Variants in BRCA1 observed in about 807,000 individuals in gnomAD.
BRCA1 encodes breast cancer type 1 susceptibility protein.
BRCA1 carries 140 observed loss-of-function variants against 173.7 expected under a neutral mutation model. The ratio of observed to expected loss-of-function variants is 0.81; its 90% confidence interval spans 0.70 to 0.93. BRCA1 has a LOEUF of 0.93. BRCA1 is among the 40% of genes least tolerant of loss of function. The pLI is 0.00. For synonymous variants in BRCA1, 662 were observed against 756.0 expected (o/e 0.88, Z 2.04); for missense variants, 1,983 against 2,172.5 (o/e 0.91, Z 1.73).
chr17:43,104,071 A>T, intron 6 of BRCA1, 51 bp downstream of exon 6: 1 of 1,439,418 alleles, frequency 6.9e-7, no homozygotes, highest in Non-Finnish European at 9.3e-7. Context: ...AAAAAAAAAG[A>T]AAAAAAAAAG....
intron 3 of BRCA1, among the ~76,000 whole-genome samples, chr17:43,108,833 A>C (rs1236284457): frequency 1.3e-5 from 2 of 151,990 alleles, no homozygotes; most frequent in African/African-American, 4.8e-5. Context: ...TCTCTACTAA[A>C]AATACAAAAA....
At chr17:43,116,834 T>A (rs1794918744) in intron 2 of BRCA1, among the ~76,000 whole-genome samples, 1 of 152,196 alleles carries the variant, frequency 6.6e-6, no homozygotes, top group Non-Finnish European at 1.5e-5. Flanking sequence ...TGTCTTCTGA[T>A]CTATAGGTGT....
chr17:43,135,529 G>C (rs557744855), intron 1 of BRCA1, among the ~76,000 whole-genome samples: 5 of 152,192 alleles, frequency 3.3e-5, no homozygotes, highest in African/African-American at 1.2e-4. Context: ...AGAAGTCCAG[G>C]CCTAGTGTAG....
intron 1 of BRCA1, among the ~76,000 whole-genome samples, chr17:43,134,260 T>C (rs2055997199): frequency 6.6e-6 from 1 of 152,194 alleles, no homozygotes; most frequent in Admixed American, 6.5e-5. Flanking sequence ...CCCCCCTCCT[T>C]CATGATCCAT....
rs80356956 is a variant in BRCA1, at chr17:43,106,479, T to A, written c.189A>T (p.Leu63Phe). Residue 63 changes from leucine to phenylalanine, a missense_variant, in exon 4 of 23, where the codon TTA (leucine) becomes TTT (phenylalanine). Physicochemically the swap from Leu to Phe is conservative, Grantham distance 22. Transcript: ENST00000357654. Reference sequence around the variant, plus strand: ...ACCTTTTGGTTATATCATTCTTACATAAAGGACACTGTGAAGGCCCTTTCT... The same window carrying A: ...ACCTTTTGGTTATATCATTCTTACAAAAAGGACACTGTGAAGGCCCTTTCT... Reference protein sequence around the residue: ...NQKKGPSQCPLCKNDITKRSL... With the variant: ...NQKKGPSQCPFCKNDITKRSL... 3.1e-6 allele frequency: 5 copies of A among 1,602,802 alleles called. No homozygotes were observed. Among genetic ancestry groups the A allele is most frequent in the Non-Finnish European group, 4.3e-6 (5 of 1,170,716 alleles).
chr17:43,046,974 A>G (rs919136616), intron 22 of BRCA1, among the ~76,000 whole-genome samples: 1 of 152,180 alleles, frequency 6.6e-6, no homozygotes, highest in African/African-American at 2.4e-5. Context: ...AAAACAGTGT[A>G]ATTATGATCA....
At chr17:43,101,696 T>C (rs1051458816) in intron 6 of BRCA1, among the ~76,000 whole-genome samples, 1 of 151,464 alleles carries the variant, frequency 6.6e-6, no homozygotes, top group Admixed American at 6.6e-5. Context: ...AGAGATGGGT[T>C]TCACCATGTT....
intron 19 of BRCA1, among the ~76,000 whole-genome samples, chr17:43,055,800 G>A (rs994984898): frequency 6.6e-6 from 1 of 152,110 alleles, no homozygotes; most frequent in Non-Finnish European, 1.5e-5. Context: ...AGTTGTTGTG[G>A]CACATGCCTG....
In BRCA1 at chr17:43,068,480, G is replaced by A. The variant is rs543827703; in HGVS notation, c.4987-785C>T. Among the ~76,000 whole-genome samples, 97 of 151,780 alleles carry A rather than the reference G, an allele frequency of 6.4e-4. 1 individual carries two copies. The highest frequency in any genetic ancestry group is 2.1e-3 in the African/African-American group (88 of 41,398). On this transcript the variant is annotated intron_variant, in intron 15 of 22. Transcript: ENST00000357654. ...AATCCCAGCACTTTGGGAAGCTGAG[G>A]TGGGAGGACTGCTTGAGCTCAAGAG...
intron 6 of BRCA1, among the ~76,000 whole-genome samples, chr17:43,102,805 A>T (rs557863668): frequency 2.6e-5 from 4 of 152,090 alleles, no homozygotes; most frequent in Non-Finnish European, 4.4e-5. Flanking sequence ...GGCACACACC[A>T]CCATGCCCAG....
rs1243411772 is a variant in BRCA1 at position 43,049,838 on chromosome 17, T to C, written c.5333-644A>G. Reference sequence around the variant, plus strand: ...TTGGCTGTGTTCTTCAAGACATTCATGTATGTTGCTCTTTCCCATCAGCCC... The same window carrying C: ...TTGGCTGTGTTCTTCAAGACATTCACGTATGTTGCTCTTTCCCATCAGCCC... On this transcript the variant is annotated intron_variant, in intron 20 of 22. Transcript: ENST00000357654. Among the ~76,000 whole-genome samples, 5 of 152,160 alleles carry C rather than the reference T, an allele frequency of 3.3e-5. No homozygotes were observed. In the South Asian group the frequency reaches 1.0e-3, roughly 32 times the overall value.
At chr17:43,048,687 GTT>G (rs67906350) in intron 21 of BRCA1, among the ~76,000 whole-genome samples, 20 of 135,590 alleles carry the variant, frequency 1.5e-4, no homozygotes, top group East Asian at 1.3e-3. Context: ...GCTACTTTTT[GTT>G]TTTTTTTTTT....
intron 22 of BRCA1, among the ~76,000 whole-genome samples, chr17:43,046,294 G>A (rs1381618774): frequency 7.3e-6 from 1 of 136,960 alleles, no homozygotes; most frequent in East Asian, 2.3e-4. Context: ...GCAATGGCAC[G>A]ATCTCAGCTC....
intron 14 of BRCA1, among the ~76,000 whole-genome samples, chr17:43,073,342 TATC>T (rs762421226): frequency 3.3e-5 from 5 of 152,136 alleles, no homozygotes; most frequent in Non-Finnish European, 7.4e-5. Flanking sequence ...AATCAGCAGA[TATC>T]ATTACCAAAT....
chr17:43,097,335 A>G, intron 7 of BRCA1, 46 bp from the exon 8 acceptor site: 1 of 1,461,668 alleles, frequency 6.8e-7, no homozygotes, highest in Non-Finnish European at 9.5e-7. Flanking sequence ...AGTTTTCTTA[A>G]TTAAAAGGGT....
intron 16 of BRCA1, among the ~76,000 whole-genome samples, chr17:43,065,181 A>C (rs1215131741): frequency 6.6e-6 from 1 of 152,156 alleles, no homozygotes; most frequent in East Asian, 1.9e-4. Context: ...AAGGTATCTT[A>C]AACTTTAATG....
At chr17:43,164,780 G>T (rs1317097958) in intron 1 of BRCA1, 2 of 152,188 alleles carry the variant, frequency 1.3e-5, no homozygotes, top group Admixed American at 1.3e-4. Context: ...ATGAGAATGT[G>T]ATCTTCAGGC....
chr17:43,137,053 T>C (rs2056030643), intron 1 of BRCA1, among the ~76,000 whole-genome samples: 1 of 152,124 alleles, frequency 6.6e-6, no homozygotes, highest in South Asian at 2.1e-4. Flanking sequence ...AATGATAGAC[T>C]GGATTAAGAA....
chr17:43,117,918 T>C (rs8176093), intron 2 of BRCA1, among the ~76,000 whole-genome samples: 1 of 152,196 alleles, frequency 6.6e-6, no homozygotes, highest in East Asian at 1.9e-4. Flanking sequence ...GAGATAGAAA[T>C]GTAGCAGTTT....
Sources: allele counts gnomAD v4.1 joint callset (sites outside exome capture counted in the v4.1 genomes callset), GRCh38; gene constraint gnomAD v4.1.1; transcripts MANE v1.5; gene names NCBI Gene and HGNC (gene_info 2026-07-23, HGNC 2026-07-21).